TSTD2: variants seen among roughly 807,000 people sequenced by gnomAD.
TSTD2 encodes the protein thiosulfate sulfurtransferase/rhodanese-like domain-containing protein 2.
A neutral mutation model predicts 47.9 loss-of-function variants in TSTD2; 37 were observed. That is an observed-to-expected ratio of 0.77 (90% CI 0.59 to 1.02). The LOEUF is 1.02. Among genes scored for constraint, TSTD2 ranks in the 50% least tolerant of loss-of-function variants. The pLI is 0.00. For missense variants in TSTD2, 586 were observed against 616.0 expected (o/e 0.95, Z 0.52); for synonymous variants, 201 against 215.9 (o/e 0.93, Z 0.61).
chr9:97,602,843 G>A (rs1826290212), intron 9 of TSTD2, 76 bp from the exon 10 acceptor site: 3 of 1,441,556 alleles, frequency 2.1e-6, no homozygotes, highest in Non-Finnish European at 2.8e-6. Flanking sequence ...TCCCTTTGCT[G>A]ACTAGAATCT....
At chr9:97,612,184 A>G (rs1420035698) in intron 4 of TSTD2, among the ~76,000 whole-genome samples, 1 of 152,238 alleles carries the variant, frequency 6.6e-6, no homozygotes, top group Non-Finnish European at 1.5e-5. Flanking sequence ...CCTGCAAAAG[A>G]CATGATCTTG....
At position 97,601,015 on chromosome 9, in the gene TSTD2, G is replaced by A; in HGVS notation, c.*1454C>T. ...CAGAGCACTGAGCAGAGAGGCTGGTGATGAAAAGGTGAAGGCCTGCGCACT... is the reference window on the plus strand; with the variant it reads ...CAGAGCACTGAGCAGAGAGGCTGGTAATGAAAAGGTGAAGGCCTGCGCACT... On this transcript the variant is annotated 3_prime_UTR_variant, in exon 10 of 10. Coordinates refer to ENST00000341170, the MANE Select transcript of TSTD2 (RefSeq NM_139246.5). 7.7e-7 allele frequency: 1 copy of A among 1,291,436 alleles called. No individual in the cohort carries two copies. The highest frequency in any genetic ancestry group is 1.0e-6 in the Non-Finnish European group (1 of 981,734). 80.0% of individuals were successfully genotyped at this position (1,291,436 alleles called of 1,614,324 possible). A position where few individuals can be genotyped will look rare whatever the true frequency, so the allele number is the denominator to read the frequency against.
At chr9:97,619,246 A>G (rs1002455216) in intron 3 of TSTD2, among the ~76,000 whole-genome samples, 1 of 152,234 alleles carries the variant, frequency 6.6e-6, no homozygotes. Flanking sequence ...GCTCCTTTCC[A>G]ATAAGTAAAA....
At chr9:97,619,512 CTTT>C (rs910409360) in intron 3 of TSTD2, among the ~76,000 whole-genome samples, 2 of 147,822 alleles carry the variant, frequency 1.4e-5, no homozygotes, top group Non-Finnish European at 3.0e-5. Flanking sequence ...TTCTTTTTTT[CTTT>C]TTTTTTTGTA....
intron 6 of TSTD2, among the ~76,000 whole-genome samples, chr9:97,608,039 T>C (rs1219288384): frequency 3.3e-5 from 5 of 151,756 alleles, no homozygotes; most frequent in South Asian, 2.1e-4. Context: ...AAAAATTAGC[T>C]GGGCGTGGTG....
chr9:97,631,866 A>G (rs1267196259), intron 1 of TSTD2, among the ~76,000 whole-genome samples: 2 of 152,120 alleles, frequency 1.3e-5, no homozygotes, highest in Non-Finnish European at 1.5e-5. Context: ...TCATACTCCA[A>G]TGACTTCTCA....
chr9:97,615,271 A>G lies in TSTD2; in HGVS notation c.603+2486T>C, dbSNP rs180861927. 1.4e-3 allele frequency among the ~76,000 whole-genome samples: 215 copies of G among 152,350 alleles called. 2 individuals carry two copies. Among genetic ancestry groups the G allele is most frequent in the African/African-American group, 5.0e-3 (207 of 41,586 alleles). ...GAAGAACAATCATTAGCATTTATTCAGCACTTGCTATGAGACAGAAGCATT... is the reference window on the plus strand; with the variant it reads ...GAAGAACAATCATTAGCATTTATTCGGCACTTGCTATGAGACAGAAGCATT... On this transcript the variant is annotated intron_variant, in intron 4 of 9. Transcript: ENST00000341170.
intron 3 of TSTD2, among the ~76,000 whole-genome samples, chr9:97,621,605 G>A (rs1401569263): frequency 2.0e-5 from 3 of 152,198 alleles, no homozygotes; most frequent in Admixed American, 6.5e-5. Context: ...CACTCTGGGG[G>A]TGTCTGCCTT....
intron 5 of TSTD2, 26 bp from the exon 6 acceptor site, chr9:97,610,477 TAC>T: frequency 6.7e-7 from 1 of 1,498,948 alleles, no homozygotes. Flanking sequence ...CAAAACAGAA[TAC>T]AGTCTTGCTG....
intron 8 of TSTD2, 133 bp from the exon 9 acceptor site, chr9:97,604,998 GGCTCCCACTGCGGGAC>G: frequency 6.9e-7 from 1 of 1,447,026 alleles, no homozygotes; most frequent in Non-Finnish European, 9.1e-7. Context: ...AGGGGCTCCT[GGCTCCCACTGCGGGAC>G]ACTGAGGAAT....
At chr9:97,620,141 G>A (rs1166705462) in intron 3 of TSTD2, among the ~76,000 whole-genome samples, 1 of 152,214 alleles carries the variant, frequency 6.6e-6, no homozygotes, top group East Asian at 1.9e-4. Context: ...GAGGAACGCA[G>A]TGGGAGCTAA....
intron 7 of TSTD2, 69 bp from the exon 8 acceptor site, chr9:97,605,710 T>C: frequency 6.3e-7 from 1 of 1,599,110 alleles, no homozygotes; most frequent in Non-Finnish European, 8.5e-7. Context: ...AGGTTCTTTT[T>C]GTACCCAACA....
chr9:97,608,720 CTGCAG>C (rs1268718869), intron 6 of TSTD2, among the ~76,000 whole-genome samples: 2 of 152,224 alleles, frequency 1.3e-5, no homozygotes, highest in African/African-American at 4.8e-5. Context: ...CTGCAATGTC[CTGCAG>C]TGCCCAGGAA....
At chr9:97,620,818 G>A (rs1826622914) in intron 3 of TSTD2, among the ~76,000 whole-genome samples, 1 of 152,198 alleles carries the variant, frequency 6.6e-6, no homozygotes, top group Non-Finnish European at 1.5e-5. Flanking sequence ...TGATTTGGGT[G>A]CTGTTAAAGG....
rs759464902 is a variant in TSTD2, at chr9:97,606,198, T to C, written c.899A>G (p.Gln300Arg). ...AAGAAGGATAGTATCACTTTGTTCTTGATTTGCCTGAGATAAAAACTTTTC... is the reference window on the plus strand; with the variant it reads ...AAGAAGGATAGTATCACTTTGTTCTCGATTTGCCTGAGATAAAAACTTTTC... ...EVEKFLSQAN[Q>R]EQSDTILLDC... is the part of the protein sequence containing the mutation. Residue 300 changes from glutamine to arginine, a missense_variant, in exon 7 of 10, where the codon CAA becomes CGA. By Grantham distance (43) the Gln-to-Arg change is conservative. Transcript: ENST00000341170. 41 of 1,612,960 alleles carry C rather than the reference T, an allele frequency of 2.5e-5. No individual in the cohort carries two copies. The highest frequency in any genetic ancestry group is 3.5e-5 in the Non-Finnish European group (41 of 1,179,758).
At chr9:97,627,188 G>A (rs1826735939) in intron 2 of TSTD2, 1 of 941,216 alleles carries the variant, frequency 1.1e-6, no homozygotes, top group South Asian at 3.5e-5. Flanking sequence ...CATCTGTCTA[G>A]GATCCACCCT....
chr9:97,607,873 T>C (rs537210761), intron 6 of TSTD2, among the ~76,000 whole-genome samples: 1 of 150,352 alleles, frequency 6.7e-6, no homozygotes, highest in East Asian at 2.0e-4. Context: ...GGCAACAGAG[T>C]GAGACTCCGT....
intron 6 of TSTD2, among the ~76,000 whole-genome samples, chr9:97,607,076 G>C (rs1826378222): frequency 6.6e-6 from 1 of 152,136 alleles, no homozygotes. Context: ...TGATGCAGGA[G>C]GACCCCTTGA....
intron 3 of TSTD2, among the ~76,000 whole-genome samples, chr9:97,620,784 G>T (rs1826622280): frequency 6.6e-6 from 1 of 152,118 alleles, no homozygotes; most frequent in South Asian, 2.1e-4. Context: ...GACGATTTAG[G>T]GTATCAGCAA....
Sources: gnomAD v4.1 joint callset for allele counts (sites outside exome capture counted in the v4.1 genomes callset) on GRCh38, gnomAD v4.1.1 for gene constraint, MANE v1.5 for transcripts, NCBI Gene and HGNC (gene_info 2026-07-23, HGNC 2026-07-21) for gene names.